Variants in OTOGL observed in about 807,000 individuals in gnomAD.
The protein encoded by OTOGL is otogelin-like protein.
OTOGL carries 285 observed loss-of-function variants against 318.5 expected under a neutral mutation model. That is an observed-to-expected ratio of 0.89 (90% CI 0.81 to 0.99). OTOGL has a LOEUF of 0.99. Ranked by LOEUF, OTOGL falls within the 50% of genes least tolerant of loss-of-function variation. The probability of loss-of-function intolerance (pLI) is 0.00; values close to 1 mark genes in which losing one functional copy is unlikely to be tolerated. For synonymous variants in OTOGL, 987 were observed against 936.5 expected (o/e 1.05, Z -0.99); for missense variants, 2,899 against 2,845.6 (o/e 1.02, Z -0.43).
At chr12:80,154,074 C>T (rs111376090) in intron 1 of OTOGL, among the ~76,000 whole-genome samples, 1,535 of 152,180 alleles carry the variant, frequency 0.01, 28 homozygotes, top group African/African-American at 0.035. Flanking sequence ...TTTGGGAGGC[C>T]GAGGTGGGTG....
intron 18 of OTOGL, among the ~76,000 whole-genome samples, chr12:80,260,759 A>G (rs995577746): frequency 6.6e-6 from 1 of 152,146 alleles, no homozygotes; most frequent in Admixed American, 6.6e-5. Context: ...GTTTTAAGGT[A>G]AACTAAATGA....
At chr12:80,222,882 A>G (rs1296689044) in intron 7 of OTOGL, among the ~76,000 whole-genome samples, 3 of 152,058 alleles carry the variant, frequency 2.0e-5, no homozygotes, top group African/African-American at 7.2e-5. Context: ...AGGTGATGCA[A>G]ATATTAAAAG....
At chr12:80,278,095 G>A in intron 24 of OTOGL, 73 bp from the exon 25 acceptor site, 1 of 1,178,232 alleles carries the variant, frequency 8.5e-7, no homozygotes, top group Non-Finnish European at 1.2e-6. Flanking sequence ...GTGTTAATAT[G>A]CTAAGATTAC....
At chr12:80,233,649 T>G (rs1290739000) in intron 9 of OTOGL, among the ~76,000 whole-genome samples, 1 of 152,202 alleles carries the variant, frequency 6.6e-6, no homozygotes, top group East Asian at 1.9e-4. Flanking sequence ...GTTATGAAAC[T>G]AAAAGTGAGT....
intron 7 of OTOGL, among the ~76,000 whole-genome samples, chr12:80,228,555 G>T (rs1166240106): frequency 6.6e-6 from 1 of 152,108 alleles, no homozygotes; most frequent in Non-Finnish European, 1.5e-5. Flanking sequence ...GGCTTAGAAA[G>T]TTCTTTTCCA....
chr12:80,335,201 G>T (rs11608321), intron 38 of OTOGL, among the ~76,000 whole-genome samples: 14,088 of 152,008 alleles, frequency 0.093, 695 homozygotes, highest in East Asian at 0.17. Flanking sequence ...ATAGATTCCC[G>T]AGTAACAGTG....
chr12:80,340,953 T>TA (rs11398942), intron 43 of OTOGL, among the ~76,000 whole-genome samples: 4 of 151,328 alleles, frequency 2.6e-5, no homozygotes, highest in Non-Finnish European at 5.9e-5. Flanking sequence ...TTTTTTTTTT[T>TA]AATGTTTAAT....
chr12:80,332,779 C>T (rs1435673947), intron 37 of OTOGL, among the ~76,000 whole-genome samples: 1 of 152,096 alleles, frequency 6.6e-6, no homozygotes, highest in Non-Finnish European at 1.5e-5. Flanking sequence ...AATTCATTTC[C>T]AAGTTCAAAT....
At chr12:80,149,674 C>T (rs1022130752) in intron 1 of OTOGL, among the ~76,000 whole-genome samples, 4 of 152,192 alleles carry the variant, frequency 2.6e-5, no homozygotes, top group Non-Finnish European at 5.9e-5. Context: ...AGCCTCGCTG[C>T]CGCCTTGCAG....
At chr12:80,216,655 A>T (rs975468941) in intron 4 of OTOGL, among the ~76,000 whole-genome samples, 1 of 152,186 alleles carries the variant, frequency 6.6e-6, no homozygotes, top group African/African-American at 2.4e-5. Context: ...TAACTATACA[A>T]CGAGGGAAGT....
chr12:80,149,473 C>T (rs1030928934), intron 1 of OTOGL, among the ~76,000 whole-genome samples: 2 of 152,188 alleles, frequency 1.3e-5, no homozygotes, highest in African/African-American at 2.4e-5. Context: ...CTCTTCAAAG[C>T]TGTCAGACAG....
chr12:80,150,807 CT>C (rs1872739263), intron 1 of OTOGL, among the ~76,000 whole-genome samples: 1 of 152,072 alleles, frequency 6.6e-6, no homozygotes, highest in South Asian at 2.1e-4. Context: ...CTGTACCCTA[CT>C]GTAAGTCTAG....
At chr12:80,184,515 T>G (rs531588789) in intron 1 of OTOGL, among the ~76,000 whole-genome samples, 1 of 152,282 alleles carries the variant, frequency 6.6e-6, no homozygotes, top group South Asian at 2.1e-4. Flanking sequence ...AGACAAAAAT[T>G]GTTTTCTAAA....
In OTOGL at chr12:80,305,704, C is replaced by A. The variant is rs777286450; in HGVS notation, c.3333+9C>A. ...GTTGGGCATTAGGACAGGTAAGTTACATAAATGTATTTTAGAAGTCAACAA... is the reference window on the plus strand; with the variant it reads ...GTTGGGCATTAGGACAGGTAAGTTAAATAAATGTATTTTAGAAGTCAACAA... On this transcript the variant is annotated intron_variant, in intron 29 of 58. Transcript: ENST00000547103. 6.6e-7 allele frequency: 1 copy of A among 1,508,032 alleles called. No individual in the cohort carries two copies. The allele number at this position is 1,508,032 out of a possible 1,614,324, so 93.4% of individuals were successfully genotyped here.
intron 50 of OTOGL, 37 bp from the exon 51 acceptor site, chr12:80,358,634 T>C: frequency 6.7e-7 from 1 of 1,492,720 alleles, no homozygotes; most frequent in Non-Finnish European, 9.3e-7. Flanking sequence ...GGCAACTCTA[T>C]AAAATTCATC....
At chr12:80,272,359 T>C (rs1883480716) in intron 24 of OTOGL, among the ~76,000 whole-genome samples, 1 of 148,806 alleles carries the variant, frequency 6.7e-6, no homozygotes, top group African/African-American at 2.5e-5. Context: ...TGTGTGTGTG[T>C]GTGTGTGTGT....
chr12:80,214,353 C>T (rs1308381758), intron 4 of OTOGL, among the ~76,000 whole-genome samples: 1 of 152,232 alleles, frequency 6.6e-6, no homozygotes, highest in African/African-American at 2.4e-5. Context: ...TGGAGACTTT[C>T]TGAAGAACCA....
At chr12:80,258,464 AC>A (rs779169459) in intron 18 of OTOGL, among the ~76,000 whole-genome samples, 7 of 152,186 alleles carry the variant, frequency 4.6e-5, no homozygotes, top group Non-Finnish European at 7.3e-5. Flanking sequence ...TATTATTAAT[AC>A]CTAAAAAGCA....
intron 1 of OTOGL, among the ~76,000 whole-genome samples, chr12:80,103,688 A>T (rs1345311227): frequency 1.3e-5 from 2 of 152,238 alleles, no homozygotes; most frequent in Non-Finnish European, 2.9e-5. Context: ...CATAGTTGGC[A>T]TTCAATATTT....
Sources: gnomAD v4.1 joint callset for allele counts (sites outside exome capture counted in the v4.1 genomes callset) on GRCh38, gnomAD v4.1.1 for gene constraint, MANE v1.5 for transcripts, NCBI Gene and HGNC (gene_info 2026-07-23, HGNC 2026-07-21) for gene names.